The following PLEKHG1 variants were observed in gnomAD, a reference collection of about 807,000 sequenced individuals.
PLEKHG1 encodes pleckstrin homology and RhoGEF domain containing G1.
A neutral mutation model predicts 100.8 loss-of-function variants in PLEKHG1; 44 were observed. The ratio of observed to expected loss-of-function variants is 0.44; its 90% confidence interval spans 0.34 to 0.56. PLEKHG1 has a LOEUF of 0.56. Among genes scored for constraint, PLEKHG1 ranks in the 20% least tolerant of loss-of-function variants. The pLI is 0.01. For missense variants in PLEKHG1, 1,545 were observed against 1,720.9 expected (o/e 0.90, Z 1.81); for synonymous variants, 640 against 662.5 (o/e 0.97, Z 0.52).
In PLEKHG1 at chr6:150,698,223, G is replaced by A. The variant is rs191275840; in HGVS notation, c.-98-35361G>A. Among the ~76,000 whole-genome samples, 16 of 152,272 alleles carry A rather than the reference G, an allele frequency of 1.1e-4. No individual in the cohort carries two copies. In the East Asian group the frequency reaches 2.9e-3, roughly 28 times the overall value. ...TTATACATATTTTAAATTTGTGCAT[G>A]AAACAAACTTTTTGTTAAGTACTTA... On this transcript the variant is annotated intron_variant, in intron 3 of 3. Transcript: ENST00000367326.
At chr6:150,832,448 G>T (rs994015074) in intron 15 of PLEKHG1, among the ~76,000 whole-genome samples, 1 of 152,158 alleles carries the variant, frequency 6.6e-6, no homozygotes, top group Non-Finnish European at 1.5e-5. Context: ...TAACTGCAGA[G>T]ATAATATTTT....
intron 3 of PLEKHG1, among the ~76,000 whole-genome samples, chr6:150,701,914 T>G (rs1780806568): frequency 6.6e-6 from 1 of 152,134 alleles, no homozygotes; most frequent in Non-Finnish European, 1.5e-5. Context: ...CATTATGTCA[T>G]TTAAATCAAA....
At chr6:150,700,177 C>T (rs1437833909) in intron 3 of PLEKHG1, among the ~76,000 whole-genome samples, 1 of 152,188 alleles carries the variant, frequency 6.6e-6, no homozygotes, top group Non-Finnish European at 1.5e-5. Context: ...GGAGACCCTG[C>T]CAGGCTGACC....
At chr6:150,675,282 T>TTGCATGA (rs1779717843) in intron 3 of PLEKHG1, among the ~76,000 whole-genome samples, 1 of 152,184 alleles carries the variant, frequency 6.6e-6, no homozygotes, top group African/African-American at 2.4e-5. Context: ...ATGGGCAAAC[T>TTGCATGA]TGCATGATTG....
chr6:150,805,630 C>T (rs796858100), intron 7 of PLEKHG1, among the ~76,000 whole-genome samples: 6 of 152,072 alleles, frequency 3.9e-5, no homozygotes, highest in African/African-American at 1.2e-4. Context: ...CGGGTTCAAG[C>T]GATCCTCCTG....
At chr6:150,670,270 TTTTCA>T (rs1337445757) in intron 3 of PLEKHG1, among the ~76,000 whole-genome samples, 10 of 152,262 alleles carry the variant, frequency 6.6e-5, no homozygotes, top group Admixed American at 6.5e-4. Context: ...CAGGTTTTTC[TTTTCA>T]TAGCCTTCCA....
chr6:150,599,890 T>TGAGCCCGAGCCC lies in PLEKHG1; in HGVS notation c.-322_-311dup, dbSNP rs1029383950. ...GGAAGAGGAAGTCGGAGCCCGAGCC[T>TGAGCCCGAGCCC]GAGCCCGAGCCCGAGCCCGACGGCG... On this transcript the variant is annotated 5_prime_UTR_variant, in exon 1 of 4. Coordinates refer to the PLEKHG1 transcript ENST00000367326. 124 of 181,762 alleles carry TGAGCCCGAGCCC rather than the reference T, an allele frequency of 6.8e-4. 2 individuals carry two copies. The East Asian group carries it at 0.015, about 22-fold the overall frequency. 11.3% of individuals were successfully genotyped at this position (181,762 alleles called of 1,614,324 possible).
At chr6:150,773,271 C>T (rs1030598597) in intron 3 of PLEKHG1, among the ~76,000 whole-genome samples, 9 of 152,162 alleles carry the variant, frequency 5.9e-5, no homozygotes, top group East Asian at 3.9e-4. Context: ...CAGTGGCTCA[C>T]GTCTGTAATC....
intron 15 of PLEKHG1, among the ~76,000 whole-genome samples, chr6:150,833,462 C>A (rs778436584): frequency 3.9e-5 from 6 of 152,206 alleles, no homozygotes; most frequent in Non-Finnish European, 8.8e-5. Flanking sequence ...CTTTGTGGAG[C>A]ACAACCAAAC....
At chr6:150,804,639 A>T (rs1786940634) in exon 7 of PLEKHG1, 2 of 1,611,818 alleles carry the variant, frequency 1.2e-6, no homozygotes, top group East Asian at 4.5e-5. Context: ...ATAAGGACAC[A>T]GAAGGCTATG....
At chr6:150,633,398 C>T (rs1270218492) in intron 1 of PLEKHG1, 1 of 152,990 alleles carries the variant, frequency 6.5e-6, no homozygotes, top group Non-Finnish European at 1.5e-5. Flanking sequence ...AGAGCTGATT[C>T]CAGGCAGCTC....
intron 1 of PLEKHG1, among the ~76,000 whole-genome samples, chr6:150,627,632 G>A (rs1777561369): frequency 6.6e-6 from 1 of 152,178 alleles, no homozygotes; most frequent in African/African-American, 2.4e-5. Context: ...TAGTCCGCAA[G>A]CAGGAAGTTA....
chr6:150,800,691 T>C (rs183939885), intron 5 of PLEKHG1, 28 bp from the exon 7 acceptor site: 1 of 1,605,828 alleles, frequency 6.2e-7, no homozygotes, highest in East Asian at 2.2e-5. Context: ...CATTACAATT[T>C]AGATAAAAAC....
intron 2 of PLEKHG1, among the ~76,000 whole-genome samples, chr6:150,737,707 A>C (rs961714173): frequency 3.3e-5 from 5 of 152,164 alleles, no homozygotes; most frequent in African/African-American, 1.2e-4. Flanking sequence ...CCATTTTTCA[A>C]ATGCAAAATT....
intron 5 of PLEKHG1, among the ~76,000 whole-genome samples, chr6:150,798,750 C>CT (rs1786512460): frequency 6.6e-6 from 1 of 152,206 alleles, no homozygotes; most frequent in South Asian, 2.1e-4. Flanking sequence ...AGAAAGTTGT[C>CT]TTTTTTTAGA....
At chr6:150,719,127 C>G (rs1402731110), upstream of PLEKHG1, among the ~76,000 whole-genome samples, 6 of 152,144 alleles carry the variant, frequency 3.9e-5, no homozygotes, top group Non-Finnish European at 8.8e-5. Flanking sequence ...AATATGGCCC[C>G]CGCTGTCACT....
chr6:150,692,432 TATG>T (rs1257245456), intron 3 of PLEKHG1, among the ~76,000 whole-genome samples: 4 of 152,184 alleles, frequency 2.6e-5, no homozygotes, highest in Non-Finnish European at 4.4e-5. Context: ...ATTAGAATAA[TATG>T]ATCATGGGCT....
intron 1 of PLEKHG1, among the ~76,000 whole-genome samples, chr6:150,615,320 T>C (rs983579407): frequency 2.6e-5 from 4 of 152,160 alleles, no homozygotes; most frequent in Admixed American, 1.3e-4. Flanking sequence ...TCCCCCTCCA[T>C]AGCACAGAGG....
At chr6:150,651,173 AC>A (rs1778715391) in intron 3 of PLEKHG1, 1 of 152,248 alleles carries the variant, frequency 6.6e-6, no homozygotes, top group Non-Finnish European at 1.5e-5. Flanking sequence ...TTTTCAGACC[AC>A]AGTTGACTGC....
Sources: allele counts gnomAD v4.1 joint callset (sites outside exome capture counted in the v4.1 genomes callset), GRCh38; gene constraint gnomAD v4.1.1; transcripts MANE v1.5; gene names NCBI Gene and HGNC (gene_info 2026-07-23, HGNC 2026-07-21).